SHANK2: variants seen among roughly 807,000 people sequenced by gnomAD.
SHANK2 encodes SH3 and multiple ankyrin repeat domains 2, also known as SH3 and multiple ankyrin repeat domains protein 2.
Under a neutral mutation model 133.7 loss-of-function variants are expected in SHANK2, and 43 were observed. That is an observed-to-expected ratio of 0.32 (90% confidence interval 0.25 to 0.41). SHANK2 has a LOEUF of 0.41. SHANK2 is among the 10% of genes least tolerant of loss of function. The pLI is 1.00. For synonymous variants in SHANK2, 1,017 were observed against 952.8 expected, an observed-to-expected ratio of 1.07 and a Z score of -1.24; for missense variants, 1,994 against 2,235.8, an observed-to-expected ratio of 0.89 and a Z score of 2.18.
chr11:70,848,964 CCTTG>C (rs1555064570), intron 11 of SHANK2, among the ~76,000 whole-genome samples: 4 of 152,104 alleles, frequency 2.6e-5, no homozygotes, highest in Non-Finnish European at 4.4e-5. Flanking sequence ...TGAAGGGGGA[CCTTG>C]CTCTGAGGCT....
intron 17 of SHANK2, among the ~76,000 whole-genome samples, chr11:70,636,484 CGT>C (rs782386616): frequency 9.4e-5 from 13 of 138,812 alleles, no homozygotes; most frequent in East Asian, 2.1e-4. Context: ...TGTGTAAGCA[CGT>C]GTGTGAACAT....
intron 10 of SHANK2, among the ~76,000 whole-genome samples, chr11:70,902,912 A>G (rs1950044033): frequency 6.6e-6 from 1 of 151,730 alleles, no homozygotes; most frequent in Non-Finnish European, 1.5e-5. Flanking sequence ...GGGAGCCCAC[A>G]TTTTTTTTCA....
chr11:70,596,056 C>G (rs576997949), intron 17 of SHANK2, among the ~76,000 whole-genome samples: 2 of 152,330 alleles, frequency 1.3e-5, no homozygotes, highest in African/African-American at 4.8e-5. Context: ...GGCAAGAAGG[C>G]CCCTCCCCAA....
At chr11:70,637,454 C>T (rs2061118691) in intron 17 of SHANK2, among the ~76,000 whole-genome samples, 1 of 152,124 alleles carries the variant, frequency 6.6e-6, no homozygotes, top group East Asian at 1.9e-4. Flanking sequence ...CCTGGCCGGG[C>T]CACGGCCAGC....
chr11:70,543,747 C>T (rs979808206), intron 17 of SHANK2, among the ~76,000 whole-genome samples: 5 of 152,336 alleles, frequency 3.3e-5, no homozygotes, highest in East Asian at 1.9e-4. Flanking sequence ...CATAGCTGGT[C>T]GGTCAGAGGC....
rs1383977047 is a variant in SHANK2 at position 71,175,600 on chromosome 11, G to GAGAC, written c.-12-28266_-12-28263dup. 7.3e-6 allele frequency among the ~76,000 whole-genome samples: 1 copy of GAGAC among 136,272 alleles called. No homozygotes were observed. The highest frequency in any genetic ancestry group is 3.0e-5 in the African/African-American group (1 of 33,760). 89.4% of individuals were successfully genotyped at this position (136,272 alleles called of 152,430 possible). On this transcript the variant is annotated intron_variant, in intron 2 of 25. Transcript: ENST00000601538. This position sits in a 1 kb window ranked among gnomAD's most constrained non-coding sequence, Gnocchi z 4.2. ...AGAGAGAGAGAGAGAGAGAGAGAGA[G>GAGAC]AGACAGAGACAGAGACATCGCTTCC...
At chr11:70,950,779 GTGTGTGTGTGTGTA>G in intron 10 of SHANK2, among the ~76,000 whole-genome samples, 1 of 151,466 alleles carries the variant, frequency 6.6e-6, no homozygotes, top group East Asian at 1.9e-4. Flanking sequence ...AGCTAATTTT[GTGTGTGTGTGTGTA>G]TGTGTGGGTG....
chr11:71,151,224 C>T (rs1952791193), intron 2 of SHANK2, among the ~76,000 whole-genome samples: 1 of 152,088 alleles, frequency 6.6e-6, no homozygotes, highest in Admixed American at 6.5e-5. Context: ...CTGGGGGGCC[C>T]TGTGAGTGTT....
rs903838465 is a variant in SHANK2 at position 71,073,320 on chromosome 11, G to A, written c.1029+1839C>T. Among the ~76,000 whole-genome samples the A allele has an allele frequency of 2.9e-3, 434 of 151,454 alleles. 5 individuals are homozygous for A. Among genetic ancestry groups the A allele is most frequent in the East Asian group, 0.019 (98 of 5,124 alleles). On this transcript the variant is annotated intron_variant, in intron 9 of 25. Transcript: ENST00000601538. ...ATTACAGGCACATGCCATCACACCC[G>A]GCTAATTTTTGTATTTTCAGTAGAG...
At chr11:70,768,176 G>T (rs564150463) in intron 14 of SHANK2, among the ~76,000 whole-genome samples, 26 of 152,326 alleles carry the variant, frequency 1.7e-4, no homozygotes, top group Admixed American at 7.2e-4. Context: ...GGTGCAGCAT[G>T]CAGTGTAGAT....
Position 70,774,818 on chromosome 11 carries a change from G to A in SHANK2, c.1777+23625C>T, listed in dbSNP as rs142247931. Among the ~76,000 whole-genome samples, 444 of 152,170 alleles carry A rather than the reference G, an allele frequency of 2.9e-3. 2 individuals carry two copies. The highest frequency in any genetic ancestry group is 9.9e-3 in the African/African-American group (413 of 41,508). ...GTTGGTGTCCTGTGTGAATTCCTTC[G>A]GATCACAGAATAATATAAAACTAAA... On this transcript the variant is annotated intron_variant, in intron 14 of 25. Transcript: ENST00000601538.
chr11:70,946,325 A>AGGCTCAACCTCCCTCTCCTCTAACCAACC (rs1565421910), intron 10 of SHANK2, among the ~76,000 whole-genome samples: 2 of 78,786 alleles, frequency 2.5e-5, no homozygotes, highest in African/African-American at 6.7e-5. Context: ...ACTAACCAAC[A>AGGCTCAACCTCCCTCTCCTCTAACCAACC]CTTCCCAGGA....
chr11:70,908,366 C>T (rs1950139344), intron 10 of SHANK2, among the ~76,000 whole-genome samples: 1 of 152,190 alleles, frequency 6.6e-6, no homozygotes, highest in Non-Finnish European at 1.5e-5. Context: ...CCCAGCAGAC[C>T]AGGCTGGCTT....
intron 1 of SHANK2, among the ~76,000 whole-genome samples, chr11:71,231,737 A>G: frequency 6.6e-6 from 1 of 152,120 alleles, no homozygotes; most frequent in South Asian, 2.1e-4. Context: ...AAAAATACAT[A>G]AATTAGCTGG....
intron 17 of SHANK2, among the ~76,000 whole-genome samples, chr11:70,557,792 C>T (rs895661902): frequency 2.0e-5 from 3 of 152,206 alleles, no homozygotes; most frequent in African/African-American, 4.8e-5. Context: ...ACGTTTCCAA[C>T]GGACAAGCGG....
At chr11:71,247,314 T>C (rs1178580141) in intron 1 of SHANK2, among the ~76,000 whole-genome samples, 1 of 152,134 alleles carries the variant, frequency 6.6e-6, no homozygotes, top group Admixed American at 6.5e-5. Context: ...TATTTAAACC[T>C]ATAAAGAAAA....
intron 17 of SHANK2, among the ~76,000 whole-genome samples, chr11:70,584,294 G>A (rs1249756087): frequency 1.3e-5 from 2 of 152,146 alleles, no homozygotes; most frequent in East Asian, 1.9e-4. Flanking sequence ...TTCCGATCCC[G>A]TGTGACAGGC....
At chr11:70,621,271 C>T (rs578017207) in intron 17 of SHANK2, among the ~76,000 whole-genome samples, 2 of 152,312 alleles carry the variant, frequency 1.3e-5, no homozygotes, top group East Asian at 1.9e-4. Context: ...AGACATCAGC[C>T]CCTCTTGTCC....
At position 70,605,578 on chromosome 11, in the gene SHANK2, C is replaced by T. The variant is rs2060565355; in HGVS notation, c.2061+54250G>A. 1.3e-5 allele frequency among the ~76,000 whole-genome samples: 2 copies of T among 152,224 alleles called. 1 individual carries two copies. Among genetic ancestry groups the T allele is most frequent in the South Asian group, 4.1e-4 (2 of 4,826 alleles). Reference sequence around the variant, plus strand: ...TGCCTCCGGTGGCCTTATTTTTAGCCATTTCCACTCTACTGACCGCTCAGT... The same window carrying T: ...TGCCTCCGGTGGCCTTATTTTTAGCTATTTCCACTCTACTGACCGCTCAGT... On this transcript the variant is annotated intron_variant, in intron 17 of 25. Transcript: ENST00000601538.
Sources: allele counts gnomAD v4.1 joint callset (sites outside exome capture counted in the v4.1 genomes callset), GRCh38; gene constraint gnomAD v4.1.1; non-coding constraint Gnocchi (gnomAD v3.1); transcripts MANE v1.5; gene names NCBI Gene and HGNC (gene_info 2026-07-23, HGNC 2026-07-21).